The following ODAD2 variants were observed in gnomAD, a reference collection of about 807,000 sequenced individuals.
The protein encoded by ODAD2 is outer dynein arm docking complex subunit 2, also known as outer dynein arm-docking complex subunit 2.
Under a neutral mutation model 106.8 loss-of-function variants are expected in ODAD2, and 89 were observed. The ratio of observed to expected loss-of-function variants is 0.83; its 90% CI spans 0.70 to 0.99. ODAD2 has a LOEUF of 0.99. ODAD2 is among the 50% of genes least tolerant of loss of function. The pLI is 0.00. For synonymous variants in ODAD2, 404 were observed against 436.2 expected (o/e 0.93, Z 0.92); for missense variants, 1,168 against 1,238.5 (o/e 0.94, Z 0.85).
intron 17 of ODAD2, among the ~76,000 whole-genome samples, chr10:27,883,316 A>G (rs540427101): frequency 3.9e-5 from 6 of 152,306 alleles, no homozygotes; most frequent in African/African-American, 1.4e-4. Flanking sequence ...GGAGTCATGC[A>G]TGACAAAAAA....
intron 17 of ODAD2, among the ~76,000 whole-genome samples, chr10:27,904,769 A>C (rs1843463150): frequency 6.6e-6 from 1 of 152,198 alleles, no homozygotes; most frequent in Non-Finnish European, 1.5e-5. Context: ...TCAACTTACC[A>C]ACTCCATGAA....
chr10:27,898,187 T>A (rs1382021002), intron 17 of ODAD2, among the ~76,000 whole-genome samples: 1 of 152,126 alleles, frequency 6.6e-6, no homozygotes, highest in Non-Finnish European at 1.5e-5. Context: ...TGACAGTTAA[T>A]CAGTATCTAT....
intron 7 of ODAD2, among the ~76,000 whole-genome samples, chr10:27,980,130 A>G (rs1849454658): frequency 6.6e-6 from 1 of 152,178 alleles, no homozygotes; most frequent in African/African-American, 2.4e-5. Context: ...ATCCACATGC[A>G]AAAGAATGAA....
At chr10:27,928,747 T>C (rs913079786) in intron 16 of ODAD2, among the ~76,000 whole-genome samples, 1 of 152,176 alleles carries the variant, frequency 6.6e-6, no homozygotes, top group Admixed American at 6.5e-5. Flanking sequence ...TTTCTAGTTA[T>C]GTATTATCTT....
At chr10:27,886,712 T>C (rs999296967) in intron 17 of ODAD2, among the ~76,000 whole-genome samples, 7 of 152,028 alleles carry the variant, frequency 4.6e-5, no homozygotes, top group Admixed American at 6.6e-5. Context: ...GTATGCAATA[T>C]ATAAAGATGT....
At position 27,881,632 on chromosome 10, in the gene ODAD2, G is replaced by A. The variant is rs552310860; in HGVS notation, c.2611-19010C>T. ...AACCTGGGCAACAGAGCAAAATCCC[G>A]TCTCAAAAAAACACTGAAAAGAATG... On this transcript the variant is annotated intron_variant, in intron 17 of 19. Transcript: ENST00000305242. Among the ~76,000 whole-genome samples the A allele has an allele frequency of 9.2e-5, 14 of 151,760 alleles. 1 individual carries two copies. The South Asian group carries it at 1.7e-3, about 18-fold the overall frequency.
In ODAD2 at chr10:27,940,789, C is replaced by G; in HGVS notation, c.1760G>C (p.Cys587Ser). 6.2e-7 allele frequency: 1 copy of G among 1,614,030 alleles called. No homozygotes were observed. Among genetic ancestry groups the G allele is most frequent in the Non-Finnish European group, 8.5e-7 (1 of 1,179,952 alleles). The change falls in exon 13 of 20, where the codon TGT (cysteine) becomes TCT (serine). Residue 587 changes from cysteine (C) to serine (S), a missense_variant. Physicochemically the swap from Cys to Ser is moderately radical, Grantham distance 112. This residue lies in a region of ODAD2 where 701 missense variants were observed against 712.3 expected (regional missense o/e 0.98). Coordinates refer to ENST00000305242, the MANE Select transcript of ODAD2 (RefSeq NM_018076.5). ...GGCAGGTTTTGTGGAATCATGTGCA[C>G]AGTCTAGTAGAGCAACCTATAATAA... Reference protein sequence around the residue: ...GITKLVALLDCAHDSTKPAQS... With the variant: ...GITKLVALLDSAHDSTKPAQS...
chr10:27,913,226 A>G (rs1026084894), intron 16 of ODAD2, among the ~76,000 whole-genome samples: 1 of 151,942 alleles, frequency 6.6e-6, no homozygotes, highest in African/African-American at 2.4e-5. Context: ...TTATTTTGTT[A>G]CCCAGATAAT....
chr10:27,881,410 G>A (rs1841697863), intron 17 of ODAD2, among the ~76,000 whole-genome samples: 1 of 152,138 alleles, frequency 6.6e-6, no homozygotes, highest in East Asian at 1.9e-4. Flanking sequence ...CACATTGGGA[G>A]GCCAAGGTGG....
chr10:27,815,619 C>G (rs1221372468), intron 19 of ODAD2, among the ~76,000 whole-genome samples: 1 of 152,190 alleles, frequency 6.6e-6, no homozygotes, highest in Non-Finnish European at 1.5e-5. Flanking sequence ...GCTTCTTCTA[C>G]CGTACTCCCC....
At chr10:27,892,049 T>A (rs1842601016) in intron 17 of ODAD2, among the ~76,000 whole-genome samples, 1 of 151,852 alleles carries the variant, frequency 6.6e-6, no homozygotes, top group Non-Finnish European at 1.5e-5. Flanking sequence ...TCTCCAAAAA[T>A]GTGTTTGATC....
At chr10:27,938,372 A>G (rs932244277) in intron 14 of ODAD2, among the ~76,000 whole-genome samples, 1 of 152,134 alleles carries the variant, frequency 6.6e-6, no homozygotes, top group Non-Finnish European at 1.5e-5. Context: ...GGCATACACT[A>G]AGGAAAGACG....
intron 19 of ODAD2, among the ~76,000 whole-genome samples, chr10:27,837,812 A>G (rs1434384551): frequency 6.6e-6 from 1 of 152,140 alleles, no homozygotes; most frequent in African/African-American, 2.4e-5. Context: ...CTTGTCAACC[A>G]TAAGGATAAG....
intron 10 of ODAD2, among the ~76,000 whole-genome samples, chr10:27,952,074 C>CAAAAAAAAAAAAAAA (rs71388944): frequency 0.038 from 1,664 of 43,548 alleles, 161 homozygotes; most frequent in Middle Eastern, 0.094. Context: ...GATGCCAACT[C>CAAAAAAAAAAAAAAA]AAAAAAAAAA....
intron 4 of ODAD2, among the ~76,000 whole-genome samples, chr10:27,984,788 C>G (rs1006754229): frequency 7.2e-5 from 11 of 152,104 alleles, no homozygotes; most frequent in Admixed American, 2.0e-4. Flanking sequence ...AAATCCATAG[C>G]AATAACTTCC....
chr10:27,998,434 G>T (rs1588684250), intron 1 of ODAD2, among the ~76,000 whole-genome samples: 1 of 152,164 alleles, frequency 6.6e-6, no homozygotes, highest in African/African-American at 2.4e-5. Flanking sequence ...ACCACGCTGG[G>T]AGCGGGAGGC....
At chr10:27,895,053 A>AAAC (rs386371021) in intron 17 of ODAD2, among the ~76,000 whole-genome samples, 6 of 151,890 alleles carry the variant, frequency 4.0e-5, no homozygotes, top group Admixed American at 6.6e-5. Context: ...AAAAAAAAAA[A>AAAC]AACTGTTAGC....
chr10:27,993,959 A>AATATATATAT (rs33977457), intron 2 of ODAD2, among the ~76,000 whole-genome samples: 1,337 of 129,398 alleles, frequency 0.01, 24 homozygotes, highest in African/African-American at 0.036. Flanking sequence ...GAGGCTGGCA[A>AATATATATAT]ATATATATAT....
At position 27,944,242 on chromosome 10, in the gene ODAD2, G is replaced by T; in HGVS notation, c.1723C>A (p.His575Asn). The T allele has an allele frequency of 6.2e-7, 1 of 1,612,856 alleles. No individual in the cohort carries two copies. Among genetic ancestry groups the T allele is most frequent in the South Asian group, 1.1e-5 (1 of 90,956 alleles). The change falls in exon 12 of 20, where the codon CAC (histidine) becomes AAC (asparagine). Residue 575 changes from histidine (H) to asparagine (N), a missense_variant. Physicochemically the swap from His to Asn is moderately conservative, Grantham distance 68. Around this residue, in one of 3 missense-constraint regions of ODAD2, gnomAD observed 701 missense variants for 712.3 expected, o/e 0.98. Coordinates refer to ENST00000305242, the MANE Select transcript of ODAD2 (RefSeq NM_018076.5). The part of the protein sequence containing the change: ...FKRARRVVRQ[H>N]GGITKLVALL... ...CTCACCAGTTTGGTGATACCCCCGT[G>T]CTGCCTCACCACCCGCCGTGCTCTT...
Sources: allele counts gnomAD v4.1 joint callset (sites outside exome capture counted in the v4.1 genomes callset), GRCh38; gene constraint gnomAD v4.1.1; regional missense constraint gnomAD v4.1.1; transcripts MANE v1.5; gene names NCBI Gene and HGNC (gene_info 2026-07-23, HGNC 2026-07-21).